Variants in SCLT1 observed in about 807,000 individuals in gnomAD.
The protein encoded by SCLT1 is sodium channel-associated protein 1.
In SCLT1, 78 loss-of-function variants were observed where a neutral mutation model predicts 112.8. The observed-to-expected ratio is 0.69, with a 90% CI of 0.58 to 0.83. The LOEUF is 0.83. SCLT1 is among the 40% of genes least tolerant of loss of function. The probability of loss-of-function intolerance (pLI) is 0.00; values close to 1 mark genes in which losing one functional copy is unlikely to be tolerated. For missense variants in SCLT1, 747 were observed against 770.4 expected, an observed-to-expected ratio of 0.97 and a Z score of 0.36; for synonymous variants, 257 against 254.7, an observed-to-expected ratio of 1.01 and a Z score of -0.09.
At chr4:129,007,333 C>T (rs2126096300) in intron 5 of SCLT1, among the ~76,000 whole-genome samples, 1 of 152,144 alleles carries the variant, frequency 6.6e-6, no homozygotes, top group East Asian at 1.9e-4. Context: ...TTACTGAGAG[C>T]AACCTGCTCA....
At chr4:129,072,702 A>C (rs887128727) in intron 2 of SCLT1, among the ~76,000 whole-genome samples, 1 of 151,162 alleles carries the variant, frequency 6.6e-6, no homozygotes, top group Non-Finnish European at 1.5e-5. Context: ...TTCTCCCTTC[A>C]CTTCTTGTCT....
chr4:129,034,333 C>G lies in SCLT1; in HGVS notation c.290+4708G>C, dbSNP rs573550006. Among the ~76,000 whole-genome samples the G allele has an allele frequency of 3.3e-5, 5 of 151,624 alleles. No individual in the cohort carries two copies. In the South Asian group the frequency reaches 1.0e-3, roughly 32 times the overall value. On this transcript the variant is annotated intron_variant, in intron 5 of 20. Transcript: ENST00000281142. The stretch of plus-strand genomic sequence containing the variant: ...TATCATACCATTGATTATCATTAGT[C>G]AAATTATGAAAGCACATCAATAAAA...
intron 1 of SCLT1, among the ~76,000 whole-genome samples, chr4:129,091,451 G>C (rs1229098084): frequency 6.6e-6 from 1 of 151,848 alleles, no homozygotes. Context: ...TTTTATCTAA[G>C]AATTCTGGCT....
At chr4:129,062,983 C>T (rs1750127626) in intron 2 of SCLT1, among the ~76,000 whole-genome samples, 2 of 152,048 alleles carry the variant, frequency 1.3e-5, no homozygotes. Context: ...TTCTTTTTTT[C>T]TCTCTCCTCC....
intron 5 of SCLT1, among the ~76,000 whole-genome samples, chr4:129,024,194 T>C (rs1745781404): frequency 1.3e-5 from 2 of 152,212 alleles, no homozygotes; most frequent in Non-Finnish European, 2.9e-5. Flanking sequence ...GCAGTGGTTT[T>C]CCCAGCACAC....
intron 18 of SCLT1, among the ~76,000 whole-genome samples, chr4:128,902,573 G>C (rs1734402881): frequency 6.6e-6 from 1 of 152,158 alleles, no homozygotes; most frequent in Non-Finnish European, 1.5e-5. Context: ...TAGGGTACTT[G>C]CCATAAATGG....
rs563193359 is a variant in SCLT1 at position 128,923,326 on chromosome 4, T to C, written c.1829+13329A>G. On this transcript the variant is annotated intron_variant, in intron 18 of 20. Transcript: ENST00000281142. ...CTGGGCGTGGTGGCACATGCCTGTA[T>C]CCCAGCTACTTGGGAGGCTGTGGCA... is the stretch of plus-strand genomic sequence containing the variant. Among the ~76,000 whole-genome samples the C allele has an allele frequency of 2.2e-3, 330 of 151,668 alleles. 1 individual carries two copies. The highest frequency in any genetic ancestry group is 7.7e-3 in the African/African-American group (318 of 41,292).
chr4:129,058,004 CT>C (rs1579880867), intron 2 of SCLT1, among the ~76,000 whole-genome samples: 1 of 152,142 alleles, frequency 6.6e-6, no homozygotes, highest in African/African-American at 2.4e-5. Flanking sequence ...CCACTTTGGC[CT>C]CCCAAAGTGC....
chr4:128,973,441 G>A (rs1262118790), intron 9 of SCLT1, among the ~76,000 whole-genome samples: 1 of 148,538 alleles, frequency 6.7e-6, no homozygotes, highest in Admixed American at 6.7e-5. Context: ...AGGGAGAGGG[G>A]AGGGGAAGGA....
intron 5 of SCLT1, among the ~76,000 whole-genome samples, chr4:129,004,835 T>A (rs936535620): frequency 6.6e-6 from 1 of 151,446 alleles, no homozygotes; most frequent in East Asian, 1.9e-4. Flanking sequence ...AACAAAAAAA[T>A]TAATTACTCT....
intron 2 of SCLT1, among the ~76,000 whole-genome samples, chr4:129,061,938 T>C (rs1383137984): frequency 6.6e-6 from 1 of 152,154 alleles, no homozygotes; most frequent in African/African-American, 2.4e-5. Context: ...GGACTCTAGG[T>C]TGCTCCCTCA....
chr4:129,013,363 G>A (rs1744711563), intron 5 of SCLT1, among the ~76,000 whole-genome samples: 1 of 152,142 alleles, frequency 6.6e-6, no homozygotes, highest in African/African-American at 2.4e-5. Context: ...CGTGTCAGCT[G>A]GTTATTTTGC....
chr4:128,927,447 C>T (rs1476406546), intron 18 of SCLT1, among the ~76,000 whole-genome samples: 2 of 151,650 alleles, frequency 1.3e-5, no homozygotes, highest in African/African-American at 2.4e-5. Context: ...TGGTGGTGGA[C>T]ATCTGTGGTC....
At chr4:128,936,469 A>G (rs1341204584) in intron 18 of SCLT1, among the ~76,000 whole-genome samples, 186 bp downstream of exon 18, 1 of 152,248 alleles carries the variant, frequency 6.6e-6, no homozygotes, top group African/African-American at 2.4e-5. Flanking sequence ...TGAAATTTGT[A>G]AAAAATATAA....
At chr4:128,963,491 G>A (rs1042317779) in intron 11 of SCLT1, among the ~76,000 whole-genome samples, 2 of 152,092 alleles carry the variant, frequency 1.3e-5, no homozygotes, top group African/African-American at 2.4e-5. Flanking sequence ...CTGTGAATAC[G>A]AAAGTCCCTC....
intron 5 of SCLT1, among the ~76,000 whole-genome samples, chr4:129,026,801 T>C (rs1746139071): frequency 6.6e-6 from 1 of 152,110 alleles, no homozygotes; most frequent in African/African-American, 2.4e-5. Context: ...GATAGACCGC[T>C]AGCAAGACTA....
chr4:129,039,906 A>T (rs1427418547), intron 4 of SCLT1: 1 of 158,770 alleles, frequency 6.3e-6, no homozygotes, highest in African/African-American at 4.3e-5. Flanking sequence ...GCGCGCACAC[A>T]CACACACACA....
chr4:128,990,050 T>C lies in SCLT1; in HGVS notation c.686+2117A>G, dbSNP rs531629633. Among the ~76,000 whole-genome samples, 54 of 151,972 alleles carry C rather than the reference T, an allele frequency of 3.6e-4. 1 individual carries two copies. In the South Asian group the frequency reaches 0.011, roughly 30 times the overall value. Reference sequence around the variant, plus strand: ...AAAGAAGAAATAATACCAATCCTACTCTAACTATTCCAAAAAATTGTGAAA... The same window carrying C: ...AAAGAAGAAATAATACCAATCCTACCCTAACTATTCCAAAAAATTGTGAAA... On this transcript the variant is annotated intron_variant, in intron 9 of 20. Transcript: ENST00000281142.
chr4:129,068,804 T>A (rs927279971), intron 2 of SCLT1, among the ~76,000 whole-genome samples: 1 of 152,234 alleles, frequency 6.6e-6, no homozygotes, highest in Admixed American at 6.5e-5. Context: ...ATCTTTGTTT[T>A]TAATTGCATT....
Sources: allele counts gnomAD v4.1 joint callset (sites outside exome capture counted in the v4.1 genomes callset), GRCh38; gene constraint gnomAD v4.1.1; transcripts MANE v1.5; gene names NCBI Gene and HGNC (gene_info 2026-07-23, HGNC 2026-07-21).